SEMA4F: variants seen among roughly 807,000 people sequenced by gnomAD.
SEMA4F encodes the protein semaphorin-4F.
A neutral mutation model predicts 78.4 loss-of-function variants in SEMA4F; 51 were observed. The observed-to-expected ratio is 0.65, with a 90% CI of 0.52 to 0.82. SEMA4F has a LOEUF of 0.82. Ranked by LOEUF, SEMA4F falls within the 40% of genes least tolerant of loss-of-function variation. The probability of loss-of-function intolerance (pLI) is 0.00; values close to 1 mark genes in which losing one functional copy is unlikely to be tolerated. For synonymous variants in SEMA4F, 418 were observed against 408.7 expected (o/e 1.02, Z -0.27); for missense variants, 938 against 1,014.4 (o/e 0.92, Z 1.02).
intron 12 of SEMA4F, among the ~76,000 whole-genome samples, chr2:74,676,897 T>C (rs1002108368): frequency 6.6e-6 from 1 of 152,076 alleles, no homozygotes; most frequent in African/African-American, 2.4e-5. Context: ...AAGGAGTTTT[T>C]TGTTTGTTTG....
chr2:74,679,693 C>A lies in SEMA4F; in HGVS notation c.1797C>A (p.His599Gln). The change falls in exon 14 of 14, where the codon CAC (histidine) becomes CAA (glutamine). Residue 599 changes from histidine to glutamine, a missense_variant. Transcript: ENST00000357877. Reference sequence around the variant, plus strand: ...CAGCATGGGCATCCTGTGTGTGGCACCAGCCCAGTGGAGTGACTGCACTCA... The same window carrying A: ...CAGCATGGGCATCCTGTGTGTGGCAACAGCCCAGTGGAGTGACTGCACTCA... Reference protein sequence around the residue: ...PSSAWASCVWHQPSGVTALTP... With the variant: ...PSSAWASCVWQQPSGVTALTP... 4 of 1,614,048 alleles carry A rather than the reference C, an allele frequency of 2.5e-6. No individual in the cohort carries two copies. Among genetic ancestry groups the A allele is most frequent in the Non-Finnish European group, 2.5e-6 (3 of 1,180,020 alleles).
the SEMA4F span, among the ~76,000 whole-genome samples, chr2:74,708,742 T>A: frequency 6.6e-6 from 1 of 152,198 alleles, no homozygotes; most frequent in Non-Finnish European, 1.5e-5. Context: ...AATGCCAATG[T>A]TGAGATGACA....
the SEMA4F span, among the ~76,000 whole-genome samples, chr2:74,700,655 T>TA: frequency 5.3e-5 from 8 of 152,122 alleles, no homozygotes; most frequent in Admixed American, 2.6e-4. Context: ...GTTATCTCCA[T>TA]AAAAAAACTG....
chr2:74,685,409 G>A (rs1685800117), downstream of SEMA4F, among the ~76,000 whole-genome samples: 2 of 152,074 alleles, frequency 1.3e-5, no homozygotes, highest in South Asian at 2.1e-4. Flanking sequence ...TGTCATCTCT[G>A]CATGTTCTGC....
chr2:74,709,106 G>T, the SEMA4F span, among the ~76,000 whole-genome samples: 1 of 152,128 alleles, frequency 6.6e-6, no homozygotes, highest in Non-Finnish European at 1.5e-5. Flanking sequence ...CAGAGGTTGC[G>T]GTGAGCTGTG....
chr2:74,667,569 C>A (rs770505880), intron 5 of SEMA4F, among the ~76,000 whole-genome samples: 4 of 152,168 alleles, frequency 2.6e-5, no homozygotes, highest in Non-Finnish European at 4.4e-5. Context: ...ACTTCTATTT[C>A]TTTTGGGAAA....
At chr2:74,706,551 C>A in the SEMA4F span, among the ~76,000 whole-genome samples, 7 of 152,218 alleles carry the variant, frequency 4.6e-5, no homozygotes, top group African/African-American at 1.4e-4. Context: ...GAGGCTAGAG[C>A]TTTTCCCGAA....
intron 7 of SEMA4F, among the ~76,000 whole-genome samples, 177 bp downstream of exon 7, chr2:74,674,005 C>T (rs530266645): frequency 5.3e-5 from 8 of 152,312 alleles, no homozygotes; most frequent in East Asian, 1.9e-4. Context: ...CTCTTTGACA[C>T]GCACAATTAC....
chr2:74,679,193 T>G (rs1282092358), intron 12 of SEMA4F, 83 bp from the exon 13 acceptor site: 2 of 1,039,046 alleles, frequency 1.9e-6, no homozygotes, highest in African/African-American at 3.1e-5. Flanking sequence ...GGAGATATAT[T>G]GAATGAGGGA....
intron 5 of SEMA4F, among the ~76,000 whole-genome samples, chr2:74,669,688 A>AT (rs1168558400): frequency 2.0e-5 from 3 of 152,208 alleles, no homozygotes; most frequent in Non-Finnish European, 4.4e-5. Context: ...AAAAGGAAGC[A>AT]TTTTGATGCC....
Position 74,654,433 on chromosome 2 carries a change from C to T in SEMA4F, c.57C>T (p.Pro19=). 2.6e-6 allele frequency: 4 copies of T among 1,567,658 alleles called. No homozygotes were observed. Among genetic ancestry groups the T allele is most frequent in the Non-Finnish European group, 2.6e-6 (3 of 1,162,834 alleles). ...RPGPGQPTAS[P]FPLLLLAVLS... is the part of the protein sequence containing the mutation. ...GTCCCGGGCAGCCTACAGCCTCGCCCTTCCCGCTACTGCTGCTGGCGGTGC... is the reference window on the plus strand; with the variant it reads ...GTCCCGGGCAGCCTACAGCCTCGCCTTTCCCGCTACTGCTGCTGGCGGTGC... Residue 19 remains proline, a synonymous_variant, in exon 1 of 14, where the codon CCC becomes CCT. Coordinates refer to ENST00000357877, the MANE Select transcript of SEMA4F (RefSeq NM_004263.5).
At chr2:74,663,219 G>A (rs1399919133) in intron 5 of SEMA4F, among the ~76,000 whole-genome samples, 1 of 152,208 alleles carries the variant, frequency 6.6e-6, no homozygotes, top group Non-Finnish European at 1.5e-5. Context: ...TTTATGTAAT[G>A]ATGGAAATGT....
chr2:74,663,413 C>A (rs1684525495), intron 5 of SEMA4F, among the ~76,000 whole-genome samples: 1 of 152,138 alleles, frequency 6.6e-6, no homozygotes, highest in Non-Finnish European at 1.5e-5. Flanking sequence ...AAAATTATTG[C>A]TAATATTTTA....
At chr2:74,705,293 A>G in the SEMA4F span, among the ~76,000 whole-genome samples, 2 of 152,114 alleles carry the variant, frequency 1.3e-5, no homozygotes, top group African/African-American at 4.8e-5. Context: ...TAGCAATTCC[A>G]CTCTTAGGAA....
chr2:74,658,059 G>A lies in SEMA4F; in HGVS notation c.456+108G>A, dbSNP rs1384272522. 8 of 978,860 alleles carry A rather than the reference G, an allele frequency of 8.2e-6. No individual in the cohort carries two copies. The highest frequency in any genetic ancestry group is 1.8e-5 in the Admixed American group (1 of 55,262). 60.6% of individuals were successfully genotyped at this position (978,860 alleles called of 1,614,324 possible). ...GTTTTCTGTGAGCGACCATGATGGG[G>A]GCATGGTCAAGGCAACCATTGTGCA... On this transcript the variant is annotated intron_variant, in intron 4 of 13. Coordinates refer to ENST00000357877, the MANE Select transcript of SEMA4F (RefSeq NM_004263.5). This position sits in a 1 kb window ranked among gnomAD's most constrained non-coding sequence, Gnocchi z 4.3.
rs363608 is a variant in SEMA4F, at chr2:74,674,475, C to G, written c.823-23C>G. 5 of 1,590,896 alleles carry G rather than the reference C, an allele frequency of 3.1e-6. No homozygotes were observed. In the Admixed American group the frequency reaches 8.9e-5, roughly 28 times the overall value. Reference sequence around the variant, plus strand: ...CCAATGATGATCATCTAAAGAGAACCTCCCATGTGTTTGTCACCCCAGGGG... The same window carrying G: ...CCAATGATGATCATCTAAAGAGAACGTCCCATGTGTTTGTCACCCCAGGGG... On this transcript the variant is annotated intron_variant, in intron 7 of 13. Coordinates refer to ENST00000357877, the MANE Select transcript of SEMA4F (RefSeq NM_004263.5).
At chr2:74,684,927 G>C (rs575942152), downstream of SEMA4F, among the ~76,000 whole-genome samples, 1 of 152,208 alleles carries the variant, frequency 6.6e-6, no homozygotes, top group African/African-American at 2.4e-5. Flanking sequence ...AGCCATGATC[G>C]TGCCACTGCA....
intron 5 of SEMA4F, among the ~76,000 whole-genome samples, chr2:74,667,666 C>T (rs1387312371): frequency 6.6e-6 from 1 of 152,172 alleles, no homozygotes; most frequent in Non-Finnish European, 1.5e-5. Context: ...TCTTTATTTG[C>T]ACTATTCTAA....
rs1178054989 is a variant in SEMA4F at position 74,681,104 on chromosome 2, A to T, written c.*895A>T. 1 of 152,618 alleles carries T rather than the reference A, an allele frequency of 6.6e-6. No individual in the cohort carries two copies. The highest frequency in any genetic ancestry group is 6.5e-5 in the Admixed American group (1 of 15,284). The allele number at this position is 152,618 out of a possible 1,614,324, so 9.5% of individuals were successfully genotyped here. A position where few individuals can be genotyped will look rare whatever the true frequency, so the allele number is the denominator to read the frequency against. ...TTTCTCTGGCTGGAGTGTAGGCTGT[A>T]CCCCATTTCCTTGGCTCCCATTAAA... On this transcript the variant is annotated 3_prime_UTR_variant, in exon 14 of 14. Transcript: ENST00000357877.
Sources: gnomAD v4.1 joint callset for allele counts (sites outside exome capture counted in the v4.1 genomes callset) on GRCh38, gnomAD v4.1.1 for gene constraint, Gnocchi (gnomAD v3.1) non-coding constraint, MANE v1.5 for transcripts, NCBI Gene and HGNC (gene_info 2026-07-23, HGNC 2026-07-21) for gene names.